SMC2: variants seen among roughly 807,000 people sequenced by gnomAD.
SMC2 encodes the protein structural maintenance of chromosomes 2, also known as structural maintenance of chromosomes protein 2.
Under a neutral mutation model 142.6 loss-of-function variants are expected in SMC2, and 41 were observed. That is an observed-to-expected ratio of 0.29 (90% CI 0.22 to 0.37). The LOEUF (loss-of-function observed/expected upper bound fraction) is 0.37, where lower values mean the gene tolerates loss of function less well. SMC2 is among the 10% of genes least tolerant of loss of function. SMC2 has a pLI of 1.00. For missense variants in SMC2, 1,265 were observed against 1,373.7 expected (o/e 0.92, Z 1.25); for synonymous variants, 463 against 457.5 (o/e 1.01, Z -0.15).
At chr9:104,129,043 C>G (rs1834630900) in intron 20 of SMC2, among the ~76,000 whole-genome samples, 1 of 152,086 alleles carries the variant, frequency 6.6e-6, no homozygotes, top group African/African-American at 2.4e-5. Flanking sequence ...ACATTTCATT[C>G]TAATGGAGGT....
Position 104,096,277 on chromosome 9 carries a change from G to A in SMC2, c.298G>A (p.Glu100Lys). 7 of 1,614,136 alleles carry A rather than the reference G, an allele frequency of 4.3e-6. No individual in the cohort carries two copies. The highest frequency in any genetic ancestry group is 5.1e-6 in the Non-Finnish European group (6 of 1,179,954). The change falls in exon 3 of 25, where the codon GAA (glutamate) becomes AAA (lysine). Residue 100 changes from glutamate (E) to lysine (K), a missense_variant. Physicochemically the swap from Glu to Lys is moderately conservative, Grantham distance 56 (BLOSUM62 1). This residue lies in a region of SMC2 where 168 missense variants were observed against 184.8 expected (regional missense o/e 0.91). Coordinates refer to ENST00000374793, the MANE Select transcript of SMC2 (RefSeq NM_006444.3). ...QSPLGFEVHD[E>K]ITVTRQVVIG... ...TCCTTTAGGATTTGAGGTTCATGAT[G>A]AAATCACAGTAACAAGGCAGGTGAG...
intron 4 of SMC2, 58 bp downstream of exon 4, chr9:104,098,626 T>C: frequency 6.6e-7 from 1 of 1,509,338 alleles, no homozygotes; most frequent in African/African-American, 1.4e-5. Context: ...TTTTTACTTT[T>C]AAGCAATTAA....
At chr9:104,113,827 T>G (rs1587939020) in intron 11 of SMC2, 137 bp from the exon 12 acceptor site, 1 of 581,390 alleles carries the variant, frequency 1.7e-6, no homozygotes. Context: ...AATAGGAAGG[T>G]TCAGCATGCT....
chr9:104,133,190 T>C (rs970523044), intron 22 of SMC2, among the ~76,000 whole-genome samples: 12 of 152,160 alleles, frequency 7.9e-5, no homozygotes, highest in Admixed American at 7.2e-4. Context: ...TATTTCATCT[T>C]TATATCGATC....
intron 21 of SMC2, 83 bp from the exon 22 acceptor site, chr9:104,131,926 G>T: frequency 1.4e-6 from 1 of 725,820 alleles, no homozygotes; most frequent in South Asian, 1.7e-5. Flanking sequence ...TAAAAATAAT[G>T]AAAACTGTTT....
intron 23 of SMC2, among the ~76,000 whole-genome samples, chr9:104,134,828 A>G (rs550550313): frequency 6.6e-6 from 1 of 152,296 alleles, no homozygotes; most frequent in African/African-American, 2.4e-5. Flanking sequence ...ATAGTCCAGG[A>G]CAAGATGAAA....
At chr9:104,103,425 T>G (rs1831388570) in intron 9 of SMC2, among the ~76,000 whole-genome samples, 1 of 152,142 alleles carries the variant, frequency 6.6e-6, no homozygotes, top group African/African-American at 2.4e-5. Context: ...TTGGCTTGAT[T>G]TGACATGGGA....
At chr9:104,106,212 A>T (rs567028442) in intron 9 of SMC2, among the ~76,000 whole-genome samples, 1 of 152,216 alleles carries the variant, frequency 6.6e-6, no homozygotes, top group Admixed American at 6.5e-5. Context: ...ACTGCCCATT[A>T]TCATGTTGCT....
In SMC2 at chr9:104,106,984, C is replaced by T. The variant is rs114507803; in HGVS notation, c.1020+4411C>T. 3.7e-3 allele frequency among the ~76,000 whole-genome samples: 566 copies of T among 152,254 alleles called. 4 individuals carry two copies. Among genetic ancestry groups the T allele is most frequent in the African/African-American group, 0.012 (512 of 41,544 alleles). ...TAAACCCCGCCATACTATTAGTAGGCACATCTCAGAATCTTAGGACCCGGG... is the reference window on the plus strand; with the variant it reads ...TAAACCCCGCCATACTATTAGTAGGTACATCTCAGAATCTTAGGACCCGGG... On this transcript the variant is annotated intron_variant, in intron 9 of 24. Coordinates refer to ENST00000374793, the MANE Select transcript of SMC2 (RefSeq NM_006444.3).
intron 9 of SMC2, among the ~76,000 whole-genome samples, chr9:104,104,455 A>G (rs553342183): frequency 6.6e-6 from 1 of 152,336 alleles, no homozygotes; most frequent in African/African-American, 2.4e-5. Flanking sequence ...GAGGGACCCC[A>G]GAAAACAGCC....
intron 10 of SMC2, among the ~76,000 whole-genome samples, chr9:104,112,354 A>G: frequency 6.6e-6 from 1 of 152,312 alleles, no homozygotes; most frequent in East Asian, 1.9e-4. Flanking sequence ...TTGTCAGTCT[A>G]TTATAATGTT....
At chr9:104,096,679 T>C (rs1830475125) in intron 3 of SMC2, among the ~76,000 whole-genome samples, 1 of 152,244 alleles carries the variant, frequency 6.6e-6, no homozygotes, top group African/African-American at 2.4e-5. Flanking sequence ...TGTCAGAGTC[T>C]GCTGTCTTCA....
At chr9:104,100,720 G>T (rs1323177050) in intron 7 of SMC2, among the ~76,000 whole-genome samples, 1 of 152,130 alleles carries the variant, frequency 6.6e-6, no homozygotes, top group Non-Finnish European at 1.5e-5. Context: ...TAGTTAGTTA[G>T]CATTGACTGG....
chr9:104,118,594 G>C (rs1264748923), intron 15 of SMC2, among the ~76,000 whole-genome samples: 1 of 152,130 alleles, frequency 6.6e-6, no homozygotes. Flanking sequence ...TTCTTAGACA[G>C]TGATCATATT....
At chr9:104,096,029 C>T in intron 2 of SMC2, 119 bp from the exon 3 acceptor site, 2 of 842,628 alleles carry the variant, frequency 2.4e-6, no homozygotes, top group South Asian at 3.7e-5. Context: ...GCTGCCTAAC[C>T]TTGTCTACTT....
In SMC2 at chr9:104,132,606, G is replaced by A. The variant is rs186426186; in HGVS notation, c.3108+481G>A. Among the ~76,000 whole-genome samples, 10 of 152,230 alleles carry A rather than the reference G, an allele frequency of 6.6e-5. No homozygotes were observed. In the East Asian group the frequency reaches 1.9e-3, roughly 29 times the overall value. On this transcript the variant is annotated intron_variant, in intron 22 of 24. Transcript: ENST00000374793. ...TGCTGTTTGGTAGTTTAGCAAACCT[G>A]TGCCTTCTGGGTTTTAATGGGGCAC...
intron 22 of SMC2, among the ~76,000 whole-genome samples, chr9:104,133,439 A>ACTGCTTGTGT (rs1217208921): frequency 6.6e-6 from 1 of 152,154 alleles, no homozygotes; most frequent in East Asian, 1.9e-4. Flanking sequence ...ATTTAGGATC[A>ACTGCTTGTGT]CTGCTTGTGT....
Position 104,127,387 on chromosome 9 carries a change from CAAG to C in SMC2, c.2698_2700del (p.Lys900del). ...CTAAATATGCAGAAGTGGCAAAACA[CAAG>C]GAGCAAAACAATGATTCTCAGCTTA... On this transcript the variant is annotated inframe_deletion, in exon 20 of 25. Coordinates refer to ENST00000374793, the MANE Select transcript of SMC2 (RefSeq NM_006444.3). The C allele has an allele frequency of 6.2e-7, 1 of 1,613,712 alleles. No homozygotes were observed. The highest frequency in any genetic ancestry group is 8.5e-7 in the Non-Finnish European group (1 of 1,179,768).
intron 9 of SMC2, among the ~76,000 whole-genome samples, chr9:104,106,487 G>A (rs1831802110): frequency 6.6e-6 from 1 of 151,932 alleles, no homozygotes; most frequent in South Asian, 2.1e-4. Flanking sequence ...TCCACCCCCC[G>A]GGCTGAAGCG....
Sources: gnomAD v4.1 joint callset for allele counts (sites outside exome capture counted in the v4.1 genomes callset) on GRCh38, gnomAD v4.1.1 for gene constraint, gnomAD v4.1.1 regional missense constraint, MANE v1.5 for transcripts, NCBI Gene and HGNC (gene_info 2026-07-23, HGNC 2026-07-21) for gene names.